VPS13A: variants seen among roughly 807,000 people sequenced by gnomAD.
The protein encoded by VPS13A is vacuolar protein sorting 13 homolog A.
VPS13A carries 264 observed loss-of-function variants against 390.9 expected under a neutral mutation model. The observed-to-expected ratio is 0.68, with a 90% CI of 0.61 to 0.75. The LOEUF (loss-of-function observed/expected upper bound fraction) is 0.75, where lower values mean the gene tolerates loss of function less well. VPS13A is among the 30% of genes least tolerant of loss of function. The pLI is 0.00. For synonymous variants in VPS13A, 1,231 were observed against 1,227.1 expected (o/e 1.00, Z -0.07); for missense variants, 3,409 against 3,733.9 (o/e 0.91, Z 2.27).
Position 77,382,022 on chromosome 9 carries a change from T to G in VPS13A, c.9124T>G (p.Phe3042Val). Residue 3042 changes from phenylalanine to valine, a missense_variant, in exon 68 of 72, where the codon TTC (phenylalanine) becomes GTC (valine). Around this residue, in one of 5 missense-constraint regions of VPS13A, gnomAD observed 318 missense variants for 333.7 expected, o/e 0.95. Coordinates refer to ENST00000360280, the MANE Select transcript of VPS13A (RefSeq NM_033305.3). ...GGAGAGTCTGCGACCTCCTCGGTTC[T>G]TCAATGAAGATGGAGTTATCAGACC... ...EVESLRPPRF[F>V]NEDGVIRPYR... 1 of 1,608,810 alleles carries G rather than the reference T, an allele frequency of 6.2e-7. No homozygotes were observed.
intron 51 of VPS13A, 128 bp from the exon 52 acceptor site, chr9:77,344,881 C>T: frequency 2.0e-6 from 2 of 996,630 alleles, no homozygotes; most frequent in Non-Finnish European, 3.0e-6. Flanking sequence ...GTACAAAATT[C>T]TGAATTGTTT....
At chr9:77,187,095 T>G (rs1163963960) in intron 1 of VPS13A, among the ~76,000 whole-genome samples, 1 of 152,242 alleles carries the variant, frequency 6.6e-6, no homozygotes, top group Non-Finnish European at 1.5e-5. Flanking sequence ...TATCCCATTG[T>G]ATGTATATAC....
intron 68 of VPS13A, among the ~76,000 whole-genome samples, chr9:77,388,747 A>C (rs1833790881): frequency 6.6e-6 from 1 of 152,202 alleles, no homozygotes; most frequent in Non-Finnish European, 1.5e-5. Context: ...GATTTAGCTA[A>C]GTATACCCAG....
intron 35 of VPS13A, among the ~76,000 whole-genome samples, chr9:77,309,461 G>C (rs551898673): frequency 1.3e-5 from 2 of 152,272 alleles, no homozygotes; most frequent in East Asian, 3.9e-4. Flanking sequence ...ACCCGTCGAT[G>C]CCTGAAACTT....
intron 71 of VPS13A, among the ~76,000 whole-genome samples, chr9:77,411,201 C>T (rs998346425): frequency 7.9e-5 from 12 of 152,110 alleles, no homozygotes; most frequent in African/African-American, 1.9e-4. Context: ...GGGTACATAA[C>T]GAAATGAAGG....
chr9:77,347,892 T>A (rs1831242526), intron 52 of VPS13A, among the ~76,000 whole-genome samples: 1 of 152,092 alleles, frequency 6.6e-6, no homozygotes, highest in African/African-American at 2.4e-5. Context: ...GCTCTGGGTC[T>A]TTCCATGTGT....
rs1175408331 is a variant in VPS13A at position 77,205,301 on chromosome 9, A to C, written c.188-12A>C. 3.5e-6 allele frequency: 5 copies of C among 1,421,634 alleles called. No homozygotes were observed. Among genetic ancestry groups the C allele is most frequent in the Middle Eastern group, 3.7e-4 (2 of 5,354 alleles). 88.1% of individuals were successfully genotyped at this position (1,421,634 alleles called of 1,614,324 possible). ...ATTTTTTGTCCTTTTTTTTTTTCCC[A>C]AAAAAATGTAGGTAATCTTAAACTT... is the stretch of plus-strand genomic sequence containing the variant. On this transcript the variant is annotated splice_polypyrimidine_tract_variant and intron_variant, in intron 3 of 71. Coordinates refer to ENST00000360280, the MANE Select transcript of VPS13A (RefSeq NM_033305.3).
chr9:77,378,322 C>T (rs1833225908), intron 67 of VPS13A, among the ~76,000 whole-genome samples: 1 of 152,112 alleles, frequency 6.6e-6, no homozygotes, highest in Admixed American at 6.5e-5. Flanking sequence ...GACAAATTCA[C>T]TCTCTTTACT....
intron 55 of VPS13A, 21 bp from the exon 56 acceptor site, chr9:77,357,671 T>A: frequency 6.2e-7 from 1 of 1,611,858 alleles, no homozygotes. Context: ...ATTTTTTCAT[T>A]TGGGGGGACA....
rs1020441317 is a variant in VPS13A, at chr9:77,363,151, G to A, written c.8212-2309G>A. Among the ~76,000 whole-genome samples the A allele has an allele frequency of 3.3e-5, 5 of 152,092 alleles. No individual in the cohort carries two copies. In the East Asian group the frequency reaches 9.6e-4, roughly 29 times the overall value. ...GAAATTGGTGACACATTAAACAGAA[G>A]TGCCAAGAGCAGACATTCTTCTTTT... On this transcript the variant is annotated intron_variant, in intron 59 of 71. Transcript: ENST00000360280.
At chr9:77,293,752 T>G (rs1827813738) in intron 32 of VPS13A, among the ~76,000 whole-genome samples, 1 of 151,984 alleles carries the variant, frequency 6.6e-6, no homozygotes, top group Non-Finnish European at 1.5e-5. Flanking sequence ...TTTATGTGCA[T>G]TATATATCAT....
rs140569131 is a variant in VPS13A, at chr9:77,334,532, T to C, written c.6095+2419T>C. 1.3e-4 allele frequency among the ~76,000 whole-genome samples: 20 copies of C among 152,310 alleles called. No homozygotes were observed. The East Asian group carries it at 3.9e-3, about 29-fold the overall frequency. ...GGAAAATTGTCACTTGGCAAATACC[T>C]TGCAGTCTGTCTAGAAAGAGCCAAC... On this transcript the variant is annotated intron_variant, in intron 46 of 71. Coordinates refer to ENST00000360280, the MANE Select transcript of VPS13A (RefSeq NM_033305.3).
chr9:77,205,148 T>C (rs937876504), intron 3 of VPS13A, among the ~76,000 whole-genome samples, 165 bp from the exon 4 acceptor site: 4 of 152,154 alleles, frequency 2.6e-5, no homozygotes, highest in African/African-American at 9.7e-5. Flanking sequence ...CAACAAACAC[T>C]TGTTGTTTGT....
At chr9:77,301,959 T>A (rs914665675) in intron 33 of VPS13A, among the ~76,000 whole-genome samples, 24 of 149,174 alleles carry the variant, frequency 1.6e-4, no homozygotes, top group Non-Finnish European at 2.8e-4. Context: ...ATAGAGATAT[T>A]TTTTTTTTTT....
intron 19 of VPS13A, among the ~76,000 whole-genome samples, chr9:77,238,832 CTTTGTGG>C (rs1215216128): frequency 1.3e-5 from 2 of 152,114 alleles, no homozygotes; most frequent in Non-Finnish European, 2.9e-5. Context: ...TTGGAGATTT[CTTTGTGG>C]GAAAGTTTAA....
intron 19 of VPS13A, among the ~76,000 whole-genome samples, chr9:77,243,892 T>G (rs561388384): frequency 2.0e-5 from 3 of 152,294 alleles, no homozygotes; most frequent in African/African-American, 7.2e-5. Flanking sequence ...ATGTAATGAA[T>G]TATTAACTGT....
intron 22 of VPS13A, among the ~76,000 whole-genome samples, chr9:77,255,970 A>G (rs1208756273): frequency 6.7e-6 from 1 of 149,906 alleles, no homozygotes; most frequent in Non-Finnish European, 1.5e-5. Context: ...TTTTTTCTCT[A>G]TTGTTTTTCT....
chr9:77,350,143 A>G (rs139701598), intron 52 of VPS13A, among the ~76,000 whole-genome samples: 95 of 152,326 alleles, frequency 6.2e-4, no homozygotes, highest in African/African-American at 2.1e-3. Context: ...AGATTGAAAC[A>G]GTATCTGCTA....
intron 34 of VPS13A, among the ~76,000 whole-genome samples, chr9:77,304,295 A>G (rs978570927): frequency 1.1e-4 from 17 of 152,156 alleles, no homozygotes; most frequent in African/African-American, 4.1e-4. Context: ...GTTGGGTCAA[A>G]GTGGCTGGGT....
Sources: allele counts gnomAD v4.1 joint callset (sites outside exome capture counted in the v4.1 genomes callset), GRCh38; gene constraint gnomAD v4.1.1; regional missense constraint gnomAD v4.1.1; transcripts MANE v1.5; gene names NCBI Gene and HGNC (gene_info 2026-07-23, HGNC 2026-07-21).